ZBBX: variants seen among roughly 807,000 people sequenced by gnomAD.
The protein encoded by ZBBX is zinc finger B-box domain-containing protein 1.
Under a neutral mutation model 108.5 loss-of-function variants are expected in ZBBX, and 101 were observed. That is an observed-to-expected ratio of 0.93 (90% CI 0.79 to 1.10). ZBBX has a LOEUF of 1.10. Ranked by LOEUF, ZBBX falls within the 50% of genes least tolerant of loss-of-function variation. ZBBX has a pLI of 0.00. For synonymous variants in ZBBX, 356 were observed against 323.4 expected (o/e 1.10, Z -1.08); for missense variants, 1,009 against 941.4 (o/e 1.07, Z -0.94).
rs576502845 is a variant in ZBBX, at chr3:167,340,945, A to G, written c.529-6960T>C. On this transcript the variant is annotated intron_variant, in intron 9 of 21. Transcript: ENST00000675490. ...CCTGTTCTGCTCATCATATTTCTAA[A>G]AACAGATATGGTATTTGCAAGAGTA... Among the ~76,000 whole-genome samples the G allele has an allele frequency of 2.6e-5, 4 of 152,128 alleles. No individual in the cohort carries two copies. In the East Asian group the frequency reaches 7.7e-4, roughly 29 times the overall value.
intron 9 of ZBBX, among the ~76,000 whole-genome samples, chr3:167,340,275 T>G (rs924694098): frequency 2.6e-5 from 4 of 152,074 alleles, no homozygotes; most frequent in African/African-American, 9.7e-5. Context: ...ATTCATATTA[T>G]CATAGACCTA....
the ZBBX span, among the ~76,000 whole-genome samples, chr3:167,184,902 A>G: frequency 1.3e-5 from 2 of 152,208 alleles, no homozygotes; most frequent in African/African-American, 2.4e-5. Flanking sequence ...TATCATCAAC[A>G]TTATTGTCAA....
chr3:167,250,285 A>G (rs1237070799), intron 20 of ZBBX, among the ~76,000 whole-genome samples: 1 of 152,178 alleles, frequency 6.6e-6, no homozygotes, highest in African/African-American at 2.4e-5. Context: ...CCACCATGTA[A>G]GCCCACAAAC....
upstream of ZBBX, chr3:167,381,181 A>T (rs1189206573): frequency 1.3e-5 from 2 of 152,142 alleles, no homozygotes; most frequent in Non-Finnish European, 2.9e-5. Flanking sequence ...TTAAAAAAAA[A>T]TAATGATTTC....
upstream of ZBBX, among the ~76,000 whole-genome samples, chr3:167,384,144 C>A (rs908916463): frequency 4.6e-5 from 7 of 152,022 alleles, no homozygotes; most frequent in African/African-American, 1.7e-4. Context: ...ATAGCCGCAT[C>A]TTTCAAGGGT....
intron 20 of ZBBX, among the ~76,000 whole-genome samples, chr3:167,275,594 G>A (rs1379589321): frequency 3.9e-5 from 6 of 152,210 alleles, no homozygotes; most frequent in Non-Finnish European, 7.3e-5. Flanking sequence ...GGCGCACCAG[G>A]AGATTATATC....
the ZBBX span, among the ~76,000 whole-genome samples, chr3:167,195,246 C>A: frequency 2.4e-3 from 360 of 152,304 alleles, 2 homozygotes; most frequent in Middle Eastern, 0.01. Flanking sequence ...TCCCAAGGAA[C>A]ACTAAAGGCC....
chr3:167,368,290 C>A (rs1443199952), intron 5 of ZBBX, among the ~76,000 whole-genome samples, 171 bp downstream of exon 5: 2 of 151,822 alleles, frequency 1.3e-5, no homozygotes, highest in African/African-American at 4.8e-5. Flanking sequence ...CATGTCTCAT[C>A]TAAGTGGCAC....
intron 20 of ZBBX, among the ~76,000 whole-genome samples, chr3:167,242,875 T>C (rs976327428): frequency 3.3e-5 from 5 of 152,080 alleles, no homozygotes; most frequent in African/African-American, 1.2e-4. Flanking sequence ...AAATATACAT[T>C]ACATTTATAA....
At chr3:167,215,460 T>G in the ZBBX span, among the ~76,000 whole-genome samples, 15 of 151,980 alleles carry the variant, frequency 9.9e-5, no homozygotes, top group Non-Finnish European at 5.9e-5. Flanking sequence ...ACATCAATAA[T>G]GAGCTCCAAA....
chr3:167,251,861 C>T (rs1291241665), intron 20 of ZBBX, among the ~76,000 whole-genome samples: 3 of 151,396 alleles, frequency 2.0e-5, no homozygotes, highest in African/African-American at 7.3e-5. Context: ...GACAGGGGAA[C>T]CTGGTTATCA....
intron 4 of ZBBX, among the ~76,000 whole-genome samples, chr3:167,372,589 T>A (rs181165351): frequency 6.6e-6 from 1 of 152,242 alleles, no homozygotes; most frequent in African/African-American, 2.4e-5. Context: ...TAACATTCTG[T>A]TGTATTACTT....
chr3:167,283,345 A>C (rs2108532066), intron 19 of ZBBX, among the ~76,000 whole-genome samples: 1 of 152,308 alleles, frequency 6.6e-6, no homozygotes, highest in African/African-American at 2.4e-5. Flanking sequence ...ATATTTAAAA[A>C]TTCATAGGGC....
chr3:167,223,172 C>T, the ZBBX span, among the ~76,000 whole-genome samples: 3,017 of 151,938 alleles, frequency 0.02, 104 homozygotes, highest in African/African-American at 0.068. Context: ...CTTGACTTCC[C>T]TGACCACCCA....
chr3:167,310,824 C>T (rs76286182), intron 16 of ZBBX, among the ~76,000 whole-genome samples: 4,671 of 152,164 alleles, frequency 0.031, 110 homozygotes, highest in African/African-American at 0.062. Flanking sequence ...AGGAATTCTA[C>T]AAATTCTGAT....
intron 20 of ZBBX, among the ~76,000 whole-genome samples, chr3:167,261,365 C>A (rs1006817359): frequency 6.6e-6 from 1 of 151,304 alleles, no homozygotes; most frequent in African/African-American, 2.4e-5. Flanking sequence ...GGGGGAGGAA[C>A]TGGCGGTGGT....
chr3:167,397,595 T>C (rs1200732273), intron 1 of ZBBX, among the ~76,000 whole-genome samples: 1 of 151,900 alleles, frequency 6.6e-6, no homozygotes, highest in African/African-American at 2.4e-5. Flanking sequence ...GTAAGAAATT[T>C]TTCTGCTTCC....
chr3:167,348,312 AAGAG>A (rs1170396280), intron 9 of ZBBX, among the ~76,000 whole-genome samples: 1 of 87,580 alleles, frequency 1.1e-5, no homozygotes, highest in Non-Finnish European at 2.3e-5. Flanking sequence ...GAGAGAAAGA[AAGAG>A]AAAGAAAGAA....
chr3:167,353,510 G>A (rs1183091847), intron 8 of ZBBX, among the ~76,000 whole-genome samples: 2 of 151,990 alleles, frequency 1.3e-5, no homozygotes, highest in African/African-American at 4.8e-5. Context: ...ACATTGGAAG[G>A]GTGGGAAAGG....
Sources: gnomAD v4.1 joint callset for allele counts (sites outside exome capture counted in the v4.1 genomes callset) on GRCh38, gnomAD v4.1.1 for gene constraint, MANE v1.5 for transcripts, NCBI Gene and HGNC (gene_info 2026-07-23, HGNC 2026-07-21) for gene names.